The following SLC9C1 variants were observed in gnomAD, a reference collection of about 807,000 sequenced individuals.
The protein encoded by SLC9C1 is solute carrier family 9 member C1, also known as sodium/hydrogen exchanger 10.
In SLC9C1, 97 loss-of-function variants were observed where a neutral mutation model predicts 140.9. That is an observed-to-expected ratio of 0.69 (90% CI 0.58 to 0.82). The LOEUF (loss-of-function observed/expected upper bound fraction) is 0.82. Ranked by LOEUF, SLC9C1 falls within the 40% of genes least tolerant of loss-of-function variation. SLC9C1 has a pLI of 0.00. For missense variants in SLC9C1, 1,340 were observed against 1,389.3 expected (o/e 0.96, Z 0.56); for synonymous variants, 440 against 442.6 (o/e 0.99, Z 0.07).
rs1188835931 is a variant in SLC9C1 at position 112,220,740 on chromosome 3, CT to C, written c.1670+387del. ...TTAAGAGAAGATGTTGAAGTACTAC[CT>C]GTGTATTGGGGAAGATGTGCCTGGA... is the stretch of plus-strand genomic sequence containing the variant. On this transcript the variant is annotated intron_variant, in intron 14 of 28. Coordinates refer to ENST00000305815, the MANE Select transcript of SLC9C1 (RefSeq NM_183061.3). Among the ~76,000 whole-genome samples the C allele has an allele frequency of 2.6e-5, 4 of 152,300 alleles. No homozygotes were observed. In the East Asian group the frequency reaches 7.7e-4, roughly 29 times the overall value.
chr3:112,161,396 G>T (rs1035193400), intron 26 of SLC9C1, among the ~76,000 whole-genome samples: 1 of 152,086 alleles, frequency 6.6e-6, no homozygotes, highest in Non-Finnish European at 1.5e-5. Flanking sequence ...GGGTTTTTAT[G>T]GTTTTAGGTC....
intron 28 of SLC9C1, among the ~76,000 whole-genome samples, chr3:112,150,148 C>G (rs777513594): frequency 2.6e-5 from 4 of 152,140 alleles, no homozygotes; most frequent in Non-Finnish European, 4.4e-5. Flanking sequence ...CTACCCTGCT[C>G]CAGAACAGGG....
At chr3:112,240,093 T>G (rs2079101109) in intron 11 of SLC9C1, 87 bp from the exon 12 acceptor site, 1 of 1,230,922 alleles carries the variant, frequency 8.1e-7, no homozygotes, top group Non-Finnish European at 1.1e-6. Context: ...TTTAACTTAT[T>G]GTCACTAATC....
chr3:112,234,792 G>C (rs1330767406), intron 12 of SLC9C1, among the ~76,000 whole-genome samples: 1 of 152,070 alleles, frequency 6.6e-6, no homozygotes, highest in Non-Finnish European at 1.5e-5. Flanking sequence ...AGTTGTAGAT[G>C]TGTGGTATTA....
intron 2 of SLC9C1, among the ~76,000 whole-genome samples, chr3:112,285,096 C>T (rs1245356151): frequency 2.7e-5 from 4 of 145,716 alleles, no homozygotes; most frequent in South Asian, 2.2e-4. Flanking sequence ...ATGCCATTCT[C>T]CAGCCTCAGC....
intron 12 of SLC9C1, among the ~76,000 whole-genome samples, chr3:112,234,098 C>T (rs542227509): frequency 4.1e-4 from 63 of 152,304 alleles, no homozygotes; most frequent in Middle Eastern, 3.4e-3. Flanking sequence ...GTCCCACCAA[C>T]AGTGTAAAAG....
intron 6 of SLC9C1, among the ~76,000 whole-genome samples, chr3:112,271,554 A>G (rs2080079268): frequency 6.6e-6 from 1 of 152,004 alleles, no homozygotes; most frequent in Non-Finnish European, 1.5e-5. Context: ...TTCAACTGCT[A>G]AAAGCCACGC....
chr3:112,263,283 A>G (rs2079828723), intron 9 of SLC9C1, among the ~76,000 whole-genome samples, 185 bp from the exon 10 acceptor site: 1 of 151,954 alleles, frequency 6.6e-6, no homozygotes, highest in Admixed American at 6.6e-5. Context: ...ACATGCCAAG[A>G]GAATGGTATT....
At chr3:112,214,394 C>T (rs1385657426) in intron 15 of SLC9C1, among the ~76,000 whole-genome samples, 2 of 151,998 alleles carry the variant, frequency 1.3e-5, no homozygotes, top group Non-Finnish European at 2.9e-5. Flanking sequence ...CACGAAAAAC[C>T]GTTCAAAAAA....
chr3:112,141,339 T>C, intron 28 of SLC9C1, 58 bp from the exon 29 acceptor site: 1 of 1,537,448 alleles, frequency 6.5e-7, no homozygotes, highest in Non-Finnish European at 8.8e-7. Context: ...CTTTCAATAT[T>C]GACTTACAAC....
chr3:112,201,429 G>A (rs2077902370), intron 18 of SLC9C1, among the ~76,000 whole-genome samples: 1 of 152,086 alleles, frequency 6.6e-6, no homozygotes, highest in South Asian at 2.1e-4. Flanking sequence ...TGCAGGAGGT[G>A]AAGAGAGGAA....
chr3:112,152,087 C>T, intron 27 of SLC9C1, 124 bp from the exon 28 acceptor site: 1 of 706,794 alleles, frequency 1.4e-6, no homozygotes, highest in Non-Finnish European at 2.2e-6. Context: ...AAATAAGACA[C>T]AGAGAAAAAG....
chr3:112,245,348 TAC>T (rs1352090947), intron 10 of SLC9C1, among the ~76,000 whole-genome samples: 1 of 152,204 alleles, frequency 6.6e-6, no homozygotes, highest in African/African-American at 2.4e-5. Flanking sequence ...CAAAAAATTT[TAC>T]AGTTTTTGAT....
At chr3:112,234,521 C>A (rs960377994) in intron 12 of SLC9C1, among the ~76,000 whole-genome samples, 1 of 152,118 alleles carries the variant, frequency 6.6e-6, no homozygotes, top group Admixed American at 6.6e-5. Flanking sequence ...GTTGCCATTG[C>A]TTTTGGTGTT....
At chr3:112,204,430 A>T in intron 16 of SLC9C1, 27 bp from the exon 17 acceptor site, 1 of 1,535,778 alleles carries the variant, frequency 6.5e-7, no homozygotes, top group South Asian at 1.3e-5. Flanking sequence ...AAATTACATT[A>T]TCATGTTTGT....
At chr3:112,185,474 G>T in intron 20 of SLC9C1, 3 of 1,607,818 alleles carry the variant, frequency 1.9e-6, no homozygotes, top group Non-Finnish European at 2.5e-6. Context: ...AGCGTGGGGC[G>T]CAGAGTTACA....
intron 20 of SLC9C1, among the ~76,000 whole-genome samples, chr3:112,187,623 T>A (rs929365751): frequency 3.3e-5 from 5 of 152,162 alleles, no homozygotes; most frequent in Non-Finnish European, 7.4e-5. Context: ...CAAAATTTTT[T>A]AAAAAATTAG....
chr3:112,292,685 AG>A (rs1208966514), intron 1 of SLC9C1, among the ~76,000 whole-genome samples: 1 of 151,964 alleles, frequency 6.6e-6, no homozygotes, highest in Admixed American at 6.5e-5. Flanking sequence ...CTGGGACTAC[AG>A]GCGCCAGCCA....
At chr3:112,196,085 A>G (rs1406311297) in intron 20 of SLC9C1, among the ~76,000 whole-genome samples, 1 of 152,090 alleles carries the variant, frequency 6.6e-6, no homozygotes, top group Admixed American at 6.6e-5. Context: ...GCAGATCTAG[A>G]GGTAACAAAC....
Sources: gnomAD v4.1 joint callset for allele counts (sites outside exome capture counted in the v4.1 genomes callset) on GRCh38, gnomAD v4.1.1 for gene constraint, MANE v1.5 for transcripts, NCBI Gene and HGNC (gene_info 2026-07-23, HGNC 2026-07-21) for gene names.